The following NCOA2 variants were observed in gnomAD, a reference collection of about 807,000 sequenced individuals.
NCOA2 encodes class E basic helix-loop-helix protein 75.
A neutral mutation model predicts 145.1 loss-of-function variants in NCOA2; 21 were observed. The observed-to-expected ratio is 0.14, with a 90% CI of 0.10 to 0.21. The LOEUF is 0.21. Among genes scored for constraint, NCOA2 ranks in the 10% least tolerant of loss-of-function variants. The pLI is 1.00. For synonymous variants in NCOA2, 619 were observed against 637.5 expected, an observed-to-expected ratio of 0.97 and a Z score of 0.44; for missense variants, 1,472 against 1,837.6, an observed-to-expected ratio of 0.80 and a Z score of 3.64.
chr8:70,414,295 C>G, the NCOA2 span, among the ~76,000 whole-genome samples: 3 of 152,190 alleles, frequency 2.0e-5, no homozygotes, highest in African/African-American at 7.2e-5. Context: ...CCTGCCTCTT[C>G]CCTTATCCTC....
At chr8:70,178,538 G>A (rs1815115352) in intron 4 of NCOA2, among the ~76,000 whole-genome samples, 1 of 152,224 alleles carries the variant, frequency 6.6e-6, no homozygotes, top group African/African-American at 2.4e-5. Context: ...GGGCAGAGTA[G>A]CCTATGTCTG....
At chr8:70,316,870 G>C (rs138587413) in intron 1 of NCOA2, among the ~76,000 whole-genome samples, 7 of 152,278 alleles carry the variant, frequency 4.6e-5, no homozygotes, top group African/African-American at 1.7e-4. Context: ...GAAAAACACT[G>C]CTGATGACGC....
chr8:70,277,540 T>C (rs910580221), intron 2 of NCOA2, among the ~76,000 whole-genome samples: 3 of 152,194 alleles, frequency 2.0e-5, no homozygotes, highest in Non-Finnish European at 2.9e-5. Flanking sequence ...AAGTACATGG[T>C]TTCTTTACCT....
At chr8:70,187,058 T>C (rs979217851) in intron 4 of NCOA2, among the ~76,000 whole-genome samples, 1 of 152,172 alleles carries the variant, frequency 6.6e-6, no homozygotes, top group African/African-American at 2.4e-5. Context: ...TCCACAACTA[T>C]TTAAAGCAGT....
intron 1 of NCOA2, among the ~76,000 whole-genome samples, chr8:70,341,082 G>GAA (rs3085558): frequency 2.0e-4 from 21 of 105,056 alleles, no homozygotes; most frequent in East Asian, 3.6e-4. Flanking sequence ...TTAAAAAGTT[G>GAA]AAAAAAAAAA....
chr8:70,147,121 C>CGT (rs747559223), intron 12 of NCOA2, among the ~76,000 whole-genome samples: 4 of 150,832 alleles, frequency 2.7e-5, no homozygotes, highest in African/African-American at 7.4e-5. Flanking sequence ...CGCGCGCGCG[C>CGT]GCGCGCGTGT....
chr8:70,351,208 C>T (rs1373079845), intron 1 of NCOA2, among the ~76,000 whole-genome samples: 1 of 152,148 alleles, frequency 6.6e-6, no homozygotes, highest in Non-Finnish European at 1.5e-5. Context: ...TTAGAGAGGG[C>T]ATTGAAACCA....
chr8:70,328,922 A>G (rs1402830783), intron 1 of NCOA2, among the ~76,000 whole-genome samples: 2 of 152,090 alleles, frequency 1.3e-5, no homozygotes, highest in African/African-American at 4.8e-5. Context: ...TACCTACTAA[A>G]GCTCAATATA....
the NCOA2 span, among the ~76,000 whole-genome samples, chr8:70,418,790 A>G: frequency 1.9e-3 from 286 of 152,350 alleles, 3 homozygotes; most frequent in Middle Eastern, 0.02. Flanking sequence ...AAGAATATAC[A>G]TAACACTGAA....
chr8:70,272,520 T>TC (rs1380151516), intron 2 of NCOA2, among the ~76,000 whole-genome samples: 1 of 152,236 alleles, frequency 6.6e-6, no homozygotes, highest in Non-Finnish European at 1.5e-5. Context: ...AATTTTTTTT[T>TC]CTTACCCCAC....
intron 1 of NCOA2, among the ~76,000 whole-genome samples, chr8:70,371,379 C>CT (rs1158703677): frequency 6.6e-6 from 1 of 151,940 alleles, no homozygotes; most frequent in Non-Finnish European, 1.5e-5. Context: ...TCTGAAATGT[C>CT]TTTTTCTACC....
chr8:70,138,372 A>C lies in NCOA2; in HGVS notation c.3029-40T>G, dbSNP rs1809987840. 4 of 1,546,568 alleles carry C rather than the reference A, an allele frequency of 2.6e-6. No individual in the cohort carries two copies. In the South Asian group the frequency reaches 3.7e-5, roughly 14 times the overall value. The stretch of plus-strand genomic sequence containing the variant: ...GAAAAAAATCTTACATCTTTAATCA[A>C]GGAAGCATTTATTTCTGCTATGTAA... On this transcript the variant is annotated intron_variant, in intron 14 of 22. Coordinates refer to ENST00000452400, the MANE Select transcript of NCOA2 (RefSeq NM_006540.4).
At chr8:70,140,542 A>C (rs564780724) in intron 14 of NCOA2, among the ~76,000 whole-genome samples, 1 of 148,428 alleles carries the variant, frequency 6.7e-6, no homozygotes, top group South Asian at 2.1e-4. Flanking sequence ...GAAGTTCCTG[A>C]TATTGTTCTG....
intron 4 of NCOA2, among the ~76,000 whole-genome samples, chr8:70,209,328 A>G (rs1003805426): frequency 3.3e-5 from 5 of 152,204 alleles, no homozygotes; most frequent in African/African-American, 1.2e-4. Context: ...GATGGAATCA[A>G]CTCCTGGTAA....
chr8:70,360,665 C>T (rs561613569), intron 1 of NCOA2, among the ~76,000 whole-genome samples: 2 of 152,202 alleles, frequency 1.3e-5, no homozygotes, highest in East Asian at 1.9e-4. Flanking sequence ...AGGCCGGGTG[C>T]GGTGGCTCAT....
intron 4 of NCOA2, among the ~76,000 whole-genome samples, chr8:70,190,830 ACT>A (rs1238080450): frequency 2.6e-5 from 4 of 151,984 alleles, no homozygotes; most frequent in African/African-American, 9.7e-5. Flanking sequence ...ATGGAGTGAG[ACT>A]CTGTCTCCAA....
intron 2 of NCOA2, among the ~76,000 whole-genome samples, chr8:70,259,480 G>T (rs1283982550): frequency 6.6e-6 from 1 of 152,036 alleles, no homozygotes; most frequent in African/African-American, 2.4e-5. Context: ...AAATTTGATG[G>T]TAGTCACAAT....
At position 70,156,516 on chromosome 8, in the gene NCOA2, G is replaced by C. The variant is rs752054713; in HGVS notation, c.1849C>G (p.Leu617Val). 19 of 1,613,850 alleles carry C rather than the reference G, an allele frequency of 1.2e-5. No homozygotes were observed. In the South Asian group the frequency reaches 2.0e-4, roughly 17 times the overall value. Reference sequence around the variant, plus strand: ...CTCTCACTGCTCACGGCCGGGGGCAGGTTGGGGTCATTTGTTTCCTTTTGC... The same window carrying C: ...CTCTCACTGCTCACGGCCGGGGGCACGTTGGGGTCATTTGTTTCCTTTTGC... ...GEQKETNDPN[L>V]PPAVSSERAD... Residue 617 changes from leucine to valine, a missense_variant, in exon 11 of 23, where the codon CTG becomes GTG. Around this residue, in one of 4 missense-constraint regions of NCOA2, gnomAD observed 953 missense variants for 1,062.1 expected, o/e 0.90. Transcript: ENST00000452400.
intron 15 of NCOA2, 137 bp from the exon 16 acceptor site, chr8:70,132,139 AC>A: frequency 1.2e-6 from 1 of 820,846 alleles, no homozygotes. Context: ...TCAACACAGA[AC>A]AAAAGGACAG....
Sources: allele counts gnomAD v4.1 joint callset (sites outside exome capture counted in the v4.1 genomes callset), GRCh38; gene constraint gnomAD v4.1.1; regional missense constraint gnomAD v4.1.1; transcripts MANE v1.5; gene names NCBI Gene and HGNC (gene_info 2026-07-23, HGNC 2026-07-21).